POU2AF1: variants seen among roughly 807,000 people sequenced by gnomAD.
The protein encoded by POU2AF1 is POU domain class 2-associating factor 1.
A neutral mutation model predicts 26.3 loss-of-function variants in POU2AF1; 12 were observed. The ratio of observed to expected loss-of-function variants is 0.46; its 90% CI spans 0.29 to 0.74. The LOEUF (loss-of-function observed/expected upper bound fraction) is 0.74, where lower values mean the gene tolerates loss of function less well. Among genes scored for constraint, POU2AF1 ranks in the 30% least tolerant of loss-of-function variants. POU2AF1 has a pLI of 0.09. For synonymous variants in POU2AF1, 175 were observed against 148.0 expected (o/e 1.18, Z -1.32); for missense variants, 297 against 334.5 (o/e 0.89, Z 0.87).
intron 1 of POU2AF1, among the ~76,000 whole-genome samples, chr11:111,375,033 T>C (rs938128802): frequency 5.3e-5 from 8 of 152,244 alleles, no homozygotes; most frequent in African/African-American, 1.9e-4. Context: ...TCTGTTCAAG[T>C]TGTCTGAAAG....
At chr11:111,376,531 C>A (rs1861313050) in intron 1 of POU2AF1, among the ~76,000 whole-genome samples, 1 of 152,166 alleles carries the variant, frequency 6.6e-6, no homozygotes, top group African/African-American at 2.4e-5. Context: ...CAGTTCTGGG[C>A]TTTGTCACTT....
chr11:111,358,642 T>C, intron 2 of POU2AF1, 146 bp downstream of exon 2: 1 of 1,006,298 alleles, frequency 9.9e-7, no homozygotes, highest in South Asian at 1.5e-5. Context: ...TCTCACACTA[T>C]CACACTCTCA....
rs932869430 is a variant in POU2AF1, at chr11:111,352,711, G to A, written c.*1550C>T. 5.9e-5 allele frequency: 10 copies of A among 169,962 alleles called. No individual in the cohort carries two copies. Among genetic ancestry groups the A allele is most frequent in the Non-Finnish European group, 8.9e-5 (7 of 78,496 alleles). 10.5% of individuals were successfully genotyped at this position (169,962 alleles called of 1,614,324 possible). A position where few individuals can be genotyped will look rare whatever the true frequency, so the allele number is the denominator to read the frequency against. On this transcript the variant is annotated 3_prime_UTR_variant, in exon 5 of 5. Transcript: ENST00000393067. The stretch of plus-strand genomic sequence containing the variant: ...AGCACTCTGAGAGGCTGAGGCGGGC[G>A]GATCACAAGGTCAGGAGTTCGAGAC...
At chr11:111,372,407 AG>A (rs1294419446) in intron 1 of POU2AF1, among the ~76,000 whole-genome samples, 1 of 79,544 alleles carries the variant, frequency 1.3e-5, no homozygotes, top group African/African-American at 3.7e-5. Flanking sequence ...TACCATCTGC[AG>A]GGCTTTTTTT....
At chr11:111,375,104 C>T (rs1198173285) in intron 1 of POU2AF1, among the ~76,000 whole-genome samples, 1 of 152,196 alleles carries the variant, frequency 6.6e-6, no homozygotes, top group African/African-American at 2.4e-5. Context: ...AAGGCCAAGT[C>T]CACAGGACAC....
rs759995881 is a variant in POU2AF1, at chr11:111,357,655, G to C, written c.246C>G (p.Ala82=). 1.2e-6 allele frequency: 2 copies of C among 1,613,400 alleles called. No individual in the cohort carries two copies. Among genetic ancestry groups the C allele is most frequent in the Non-Finnish European group, 1.7e-6 (2 of 1,179,792 alleles). ...GSVSAVTEEA[A]LCAGWLSQPT... is the part of the protein sequence containing the mutation. ...GCTGGGAGAGCCAGCCGGCACACAG[G>C]GCAGCCTCCTCTGTCACTGCAGACA... Residue 82 remains alanine, a synonymous_variant, in exon 4 of 5, where the codon GCC becomes GCG. Transcript: ENST00000393067.
chr11:111,358,612 TGACGCAGATACACATTCTCTCTCACAC>T (rs1860932312), intron 2 of POU2AF1, among the ~76,000 whole-genome samples, 149 bp downstream of exon 2: 1 of 87,680 alleles, frequency 1.1e-5, no homozygotes. Context: ...TCTCACACAC[TGACGCAGATACACATTCTCTCTCACAC>T]TATCACACTC....
At chr11:111,367,960 T>C (rs1352691720) in intron 1 of POU2AF1, among the ~76,000 whole-genome samples, 1 of 152,176 alleles carries the variant, frequency 6.6e-6, no homozygotes, top group Admixed American at 6.5e-5. Context: ...GCAGATACAC[T>C]GTGTCCCAGG....
chr11:111,357,496 C>T lies in POU2AF1; in HGVS notation c.405G>A (p.Gly135=). Residue 135 remains glycine (G), a synonymous_variant, in exon 4 of 5, where the codon GGG becomes GGA. Transcript: ENST00000393067. The part of the protein sequence containing the change: ...QPVCPSYTVV[G]PSSVLTYASP... ...AGGCATAGGTCAACACTGAGGAGGG[C>T]CCCACCACCGTGTAGCTGGGGCACA... 6.2e-7 allele frequency: 1 copy of T among 1,614,082 alleles called. No individual in the cohort carries two copies. The highest frequency in any genetic ancestry group is 8.5e-7 in the Non-Finnish European group (1 of 1,180,014).
intron 2 of POU2AF1, 140 bp downstream of exon 2, chr11:111,358,647 CT>C: frequency 9.3e-7 from 1 of 1,069,696 alleles, no homozygotes; most frequent in Non-Finnish European, 1.4e-6. Flanking sequence ...CACTATCACA[CT>C]CTCACACACT....
intron 1 of POU2AF1, chr11:111,363,870 G>A (rs1213994697): frequency 4.1e-6 from 4 of 985,184 alleles, no homozygotes; most frequent in Admixed American, 6.2e-5. Flanking sequence ...TAAGTCTCCC[G>A]TAGGTATCCA....
In POU2AF1 at chr11:111,358,789, G is replaced by C. The variant is rs1479184952; in HGVS notation, c.146C>G (p.Ala49Gly). The change falls in exon 2 of 5, where the codon GCG (alanine) becomes GGG (glycine). Residue 49 changes from alanine (A) to glycine (G), a missense_variant and splice_region_variant. Transcript: ENST00000393067. The part of the protein sequence containing the change: ...ASSGAAPAPT[A>G]VVLPHQPLAT... ...ACTCTCACACACACAAACTCTCACCGCCGTAGGTGCAGGTGCTGCCCCACT... is the reference window on the plus strand; with the variant it reads ...ACTCTCACACACACAAACTCTCACCCCCGTAGGTGCAGGTGCTGCCCCACT... 1 of 1,587,006 alleles carries C rather than the reference G, an allele frequency of 6.3e-7. No individual in the cohort carries two copies. The highest frequency in any genetic ancestry group is 8.5e-7 in the Non-Finnish European group (1 of 1,170,746).
intron 1 of POU2AF1, among the ~76,000 whole-genome samples, chr11:111,371,888 C>T (rs753122305): frequency 1.1e-4 from 17 of 152,032 alleles, no homozygotes; most frequent in Non-Finnish European, 2.1e-4. Context: ...AAACCTAGGA[C>T]TCAAACTCAG....
chr11:111,374,279 C>T (rs752711913), intron 1 of POU2AF1, among the ~76,000 whole-genome samples: 23 of 152,256 alleles, frequency 1.5e-4, no homozygotes, highest in Non-Finnish European at 2.6e-4. Flanking sequence ...CCATCAAGAA[C>T]ATCATCTGCT....
chr11:111,363,530 G>A (rs1388713153), intron 1 of POU2AF1: 1 of 976,490 alleles, frequency 1.0e-6, no homozygotes, highest in East Asian at 7.4e-5. Context: ...ATACAAATTT[G>A]GGAGAGGAAA....
Position 111,373,211 on chromosome 11 carries a change from T to C in POU2AF1, c.16+5951A>G, listed in dbSNP as rs150976267. Among the ~76,000 whole-genome samples, 14 of 152,358 alleles carry C rather than the reference T, an allele frequency of 9.2e-5. No individual in the cohort carries two copies. The East Asian group carries it at 2.7e-3, about 29-fold the overall frequency. ...ATTTTGTATACTGCATAGCACCAAA[T>C]AAGTTCTCCATTCCCCAGAGATGTT... On this transcript the variant is annotated intron_variant, in intron 1 of 4. Transcript: ENST00000393067.
intron 1 of POU2AF1, among the ~76,000 whole-genome samples, chr11:111,371,933 A>G (rs139992678): frequency 1.5e-3 from 228 of 152,106 alleles, no homozygotes; most frequent in African/African-American, 5.2e-3. Flanking sequence ...TTTAACTACT[A>G]AAGGCAAAGA....
chr11:111,374,559 T>A (rs1034684873), intron 1 of POU2AF1, among the ~76,000 whole-genome samples: 5 of 152,130 alleles, frequency 3.3e-5, no homozygotes, highest in African/African-American at 1.2e-4. Context: ...AGCTGGGCAT[T>A]GTGGCATGTG....
chr11:111,358,400 ACATACTCT>A (rs1565360724), intron 2 of POU2AF1, among the ~76,000 whole-genome samples: 2,134 of 89,312 alleles, frequency 0.024, 89 homozygotes, highest in African/African-American at 0.07. Flanking sequence ...TCCCTCACAC[ACATACTCT>A]CTCACACACA....
Sources: gnomAD v4.1 joint callset for allele counts (sites outside exome capture counted in the v4.1 genomes callset) on GRCh38, gnomAD v4.1.1 for gene constraint, MANE v1.5 for transcripts, NCBI Gene and HGNC (gene_info 2026-07-23, HGNC 2026-07-21) for gene names.